The following DYM variants were observed in gnomAD, a reference collection of about 807,000 sequenced individuals.
The protein encoded by DYM is dyggve-Melchior-Clausen syndrome protein.
Under a neutral mutation model 93.1 loss-of-function variants are expected in DYM, and 78 were observed. The ratio of observed to expected loss-of-function variants is 0.84; its 90% CI spans 0.70 to 1.01. The LOEUF is 1.01. Among genes scored for constraint, DYM ranks in the 50% least tolerant of loss-of-function variants. The pLI is 0.00. For missense variants in DYM, 789 were observed against 845.0 expected, an observed-to-expected ratio of 0.93 and a Z score of 0.82; for synonymous variants, 321 against 319.7, an observed-to-expected ratio of 1.00 and a Z score of -0.04.
At chr18:49,364,773 C>T (rs1419294922) in intron 5 of DYM, among the ~76,000 whole-genome samples, 3 of 152,158 alleles carry the variant, frequency 2.0e-5, no homozygotes, top group Non-Finnish European at 4.4e-5. Flanking sequence ...CCACTACATG[C>T]CATTTCACAC....
chr18:49,141,483 C>T (rs918830259), intron 15 of DYM, among the ~76,000 whole-genome samples: 2 of 152,194 alleles, frequency 1.3e-5, no homozygotes, highest in African/African-American at 4.8e-5. Flanking sequence ...CCACTATCCA[C>T]ACTCCAAACT....
intron 8 of DYM, among the ~76,000 whole-genome samples, chr18:49,298,389 G>A (rs1158785864): frequency 6.6e-6 from 1 of 152,108 alleles, no homozygotes; most frequent in African/African-American, 2.4e-5. Context: ...GGACCAGCCT[G>A]GCCAACATGG....
rs987931705 is a variant in DYM, at chr18:49,039,977, G to C, written c.*4078C>G. 2.6e-5 allele frequency: 4 copies of C among 152,152 alleles called. No homozygotes were observed. The highest frequency in any genetic ancestry group is 9.7e-5 in the African/African-American group (4 of 41,426). 9.4% of individuals were successfully genotyped at this position (152,152 alleles called of 1,614,324 possible). A position where few individuals can be genotyped will look rare whatever the true frequency, so the allele number is the denominator to read the frequency against. Reference sequence around the variant, plus strand: ...ACTGCAGAAATAATTTGAGGCCTTGGGTTATGTTTACTTCCTCCACAGAAT... The same window carrying C: ...ACTGCAGAAATAATTTGAGGCCTTGCGTTATGTTTACTTCCTCCACAGAAT... On this transcript the variant is annotated 3_prime_UTR_variant, in exon 18 of 18. Coordinates refer to ENST00000675505, the MANE Select transcript of DYM (RefSeq NM_001353214.3).
intron 8 of DYM, among the ~76,000 whole-genome samples, chr18:49,304,645 CA>C (rs1197891478): frequency 6.6e-6 from 1 of 152,132 alleles, no homozygotes; most frequent in African/African-American, 2.4e-5. Context: ...TTACTGCTTC[CA>C]AGTCATTTCT....
intron 11 of DYM, among the ~76,000 whole-genome samples, chr18:49,270,341 A>G (rs2094660748): frequency 6.6e-6 from 1 of 152,234 alleles, no homozygotes; most frequent in African/African-American, 2.4e-5. Context: ...AGAGAAAGAA[A>G]AATACTTCAT....
intron 2 of DYM, among the ~76,000 whole-genome samples, chr18:49,417,539 A>T (rs1037832897): frequency 6.6e-6 from 1 of 150,648 alleles, no homozygotes; most frequent in African/African-American, 2.4e-5. Flanking sequence ...AATCCAATTA[A>T]TTTTGGTATA....
rs72642450 is a variant in DYM at position 49,273,982 on chromosome 18, T to G, written c.1126-1679A>C. 3.4e-3 allele frequency among the ~76,000 whole-genome samples: 521 copies of G among 152,136 alleles called. 27 individuals carry two copies. In the East Asian group the frequency reaches 0.084, roughly 24 times the overall value. The stretch of plus-strand genomic sequence containing the variant: ...GTCCAATGAGACTATGTCAGAATAG[T>G]ACTTCATTCTTTTAAATATTTGTAT... On this transcript the variant is annotated intron_variant, in intron 10 of 17. Coordinates refer to ENST00000675505, the MANE Select transcript of DYM (RefSeq NM_001353214.3).
chr18:49,269,561 G>A (rs1358685659), intron 11 of DYM, among the ~76,000 whole-genome samples: 1 of 152,044 alleles, frequency 6.6e-6, no homozygotes, highest in Non-Finnish European at 1.5e-5. Flanking sequence ...AGAGTCCGTC[G>A]ACAGACAAAT....
At position 49,379,709 on chromosome 18, in the gene DYM, G is replaced by A. The variant is rs746202708; in HGVS notation, c.243C>T (p.Phe81=). The A allele has an allele frequency of 6.2e-7, 1 of 1,613,382 alleles. No individual in the cohort carries two copies. The highest frequency in any genetic ancestry group is 8.5e-7 in the Non-Finnish European group (1 of 1,179,556). ...GTTTTAGTTCTTTGGTTCTAGAAAG[G>A]AAGACCTTAATTAGTGCACCAAGAT... ...TGNLGALIKV[F]LSRTKELKLS... is the part of the protein sequence containing the mutation. The change falls in exon 4 of 18, where the codon TTC becomes TTT. Residue 81 remains phenylalanine, a synonymous_variant. Transcript: ENST00000675505.
intron 2 of DYM, 64 bp from the exon 3 acceptor site, chr18:49,391,709 G>A (rs1361009906): frequency 7.4e-7 from 1 of 1,348,308 alleles, no homozygotes; most frequent in Non-Finnish European, 1.1e-6. Context: ...ATGCTAATCA[G>A]TTAAAGAAAT....
In DYM at chr18:49,410,110, G is replaced by A. The variant is rs553669081; in HGVS notation, c.141-18465C>T. Among the ~76,000 whole-genome samples the A allele has an allele frequency of 9.9e-5, 15 of 152,258 alleles. No individual in the cohort carries two copies. The South Asian group carries it at 1.7e-3, about 17-fold the overall frequency. On this transcript the variant is annotated intron_variant, in intron 2 of 17. Transcript: ENST00000675505. ...AGACAGGGTCTCGATGCATTCCCAAGGCTGGATTACAGTGTCATGATCCCA... is the reference window on the plus strand; with the variant it reads ...AGACAGGGTCTCGATGCATTCCCAAAGCTGGATTACAGTGTCATGATCCCA...
intron 15 of DYM, among the ~76,000 whole-genome samples, chr18:49,142,498 A>C (rs2084631234): frequency 6.6e-6 from 1 of 152,218 alleles, no homozygotes; most frequent in Non-Finnish European, 1.5e-5. Context: ...CATTCTGAAA[A>C]AGAGGATGCA....
chr18:49,076,292 T>C (rs2077301531), intron 17 of DYM, among the ~76,000 whole-genome samples: 1 of 152,186 alleles, frequency 6.6e-6, no homozygotes, highest in Non-Finnish European at 1.5e-5. Flanking sequence ...TTAAGAAAAA[T>C]GCCATGCCTT....
Position 49,132,868 on chromosome 18 carries a change from A to G in DYM, c.1729-13942T>C, listed in dbSNP as rs570206522. On this transcript the variant is annotated intron_variant, in intron 15 of 17. Transcript: ENST00000675505. The stretch of plus-strand genomic sequence containing the variant: ...AGATTTTGAAAAGGAATTAGGGAAA[A>G]GTCAATAGGCACTTCTCATATAAAA... 2.0e-5 allele frequency among the ~76,000 whole-genome samples: 3 copies of G among 152,318 alleles called. No individual in the cohort carries two copies. The East Asian group carries it at 5.8e-4, about 29-fold the overall frequency.
At chr18:49,316,731 C>T (rs530665695) in intron 8 of DYM, among the ~76,000 whole-genome samples, 3 of 152,090 alleles carry the variant, frequency 2.0e-5, no homozygotes, top group Non-Finnish European at 4.4e-5. Flanking sequence ...TCCCCCTGAA[C>T]CCCTGGCTAT....
intron 15 of DYM, among the ~76,000 whole-genome samples, chr18:49,152,013 G>C (rs1196488436): frequency 1.8e-4 from 27 of 152,168 alleles, no homozygotes; most frequent in Non-Finnish European, 7.4e-5. Flanking sequence ...CTGGTTTTTA[G>C]AAATCTATCA....
intron 8 of DYM, among the ~76,000 whole-genome samples, chr18:49,301,446 G>A (rs899275282): frequency 1.3e-5 from 2 of 151,686 alleles, no homozygotes; most frequent in African/African-American, 2.4e-5. Context: ...GCATGAACCC[G>A]GGAGGCGGAG....
At chr18:49,268,794 T>C (rs893900382) in intron 11 of DYM, among the ~76,000 whole-genome samples, 5 of 151,372 alleles carry the variant, frequency 3.3e-5, no homozygotes, top group Non-Finnish European at 5.9e-5. Flanking sequence ...TTAAAAATCA[T>C]ATTTGTTTTT....
At chr18:49,241,755 G>T (rs1455625492) in intron 13 of DYM, among the ~76,000 whole-genome samples, 1 of 152,196 alleles carries the variant, frequency 6.6e-6, no homozygotes, top group African/African-American at 2.4e-5. Context: ...GAAATAGTTT[G>T]TCAAGAACTG....
Sources: allele counts gnomAD v4.1 joint callset (sites outside exome capture counted in the v4.1 genomes callset), GRCh38; gene constraint gnomAD v4.1.1; transcripts MANE v1.5; gene names NCBI Gene and HGNC (gene_info 2026-07-23, HGNC 2026-07-21).